PRICKLE2: variants seen among roughly 807,000 people sequenced by gnomAD.
The protein encoded by PRICKLE2 is prickle planar cell polarity protein 2.
In PRICKLE2, 21 loss-of-function variants were observed where a neutral mutation model predicts 81.4. The observed-to-expected ratio is 0.26, with a 90% CI of 0.18 to 0.37. The LOEUF (loss-of-function observed/expected upper bound fraction) is 0.37. Ranked by LOEUF, PRICKLE2 falls within the 10% of genes least tolerant of loss-of-function variation. PRICKLE2 has a pLI of 1.00. For synonymous variants in PRICKLE2, 456 were observed against 421.5 expected (o/e 1.08, Z -1.00); for missense variants, 940 against 1,109.0 (o/e 0.85, Z 2.16).
chr3:64,252,564 G>A (rs958202197), intron 2 of PRICKLE2, among the ~76,000 whole-genome samples: 2 of 152,166 alleles, frequency 1.3e-5, no homozygotes, highest in African/African-American at 4.8e-5. Flanking sequence ...ATGGTCAATA[G>A]CACTTTTGCC....
intron 2 of PRICKLE2, among the ~76,000 whole-genome samples, chr3:64,178,135 A>T (rs1313061036): frequency 6.6e-6 from 1 of 152,198 alleles, no homozygotes; most frequent in Non-Finnish European, 1.5e-5. Flanking sequence ...TTTGATTTGC[A>T]TTATATTAAT....
intron 2 of PRICKLE2, among the ~76,000 whole-genome samples, chr3:64,257,028 C>T (rs565797709): frequency 6.6e-6 from 1 of 152,208 alleles, no homozygotes; most frequent in Non-Finnish European, 1.5e-5. Flanking sequence ...AAGTTGCCAA[C>T]CTGGTGCCAA....
intron 7 of PRICKLE2, among the ~76,000 whole-genome samples, chr3:64,142,209 T>C (rs1255609626): frequency 6.6e-6 from 1 of 152,078 alleles, no homozygotes; most frequent in Non-Finnish European, 1.5e-5. Context: ...GACAGAACCA[T>C]AGAAACGCAC....
intron 1 of PRICKLE2, among the ~76,000 whole-genome samples, chr3:64,203,937 C>T (rs1300000091): frequency 6.6e-6 from 1 of 152,094 alleles, no homozygotes; most frequent in African/African-American, 2.4e-5. Context: ...CAGATCGCAT[C>T]ACTACACTCC....
At chr3:64,206,993 G>A (rs139630746) in intron 1 of PRICKLE2, among the ~76,000 whole-genome samples, 145 of 152,236 alleles carry the variant, frequency 9.5e-4, no homozygotes, top group Admixed American at 1.8e-3. Flanking sequence ...TCGACCTCCT[G>A]GGCTCAAGCA....
chr3:64,126,250 C>A (rs1157929266), intron 7 of PRICKLE2, among the ~76,000 whole-genome samples: 3 of 152,178 alleles, frequency 2.0e-5, no homozygotes, highest in Non-Finnish European at 4.4e-5. Context: ...CAATATTTAT[C>A]ATTTCTGAAA....
In PRICKLE2 at chr3:64,122,031, A is replaced by G. The variant is rs540091568; in HGVS notation, c.1661-22106T>C. Among the ~76,000 whole-genome samples, 3 of 152,276 alleles carry G rather than the reference A, an allele frequency of 2.0e-5. No homozygotes were observed. In the East Asian group the frequency reaches 5.8e-4, roughly 29 times the overall value. On this transcript the variant is annotated intron_variant, in intron 7 of 7. Transcript: ENST00000638394. ...ATCAGATCAGTGTGGATTATGGTTGAGGAATATCTGCAGAGTATCTTTGCA... is the reference window on the plus strand; with the variant it reads ...ATCAGATCAGTGTGGATTATGGTTGGGGAATATCTGCAGAGTATCTTTGCA...
intron 2 of PRICKLE2, among the ~76,000 whole-genome samples, chr3:64,258,590 G>A (rs1575723668): frequency 6.6e-6 from 1 of 151,962 alleles, no homozygotes; most frequent in African/African-American, 2.4e-5. Context: ...GGAGGCCAAG[G>A]CAGGTGGATC....
At chr3:64,138,566 A>C (rs1000379795) in intron 7 of PRICKLE2, among the ~76,000 whole-genome samples, 1 of 152,232 alleles carries the variant, frequency 6.6e-6, no homozygotes, top group Non-Finnish European at 1.5e-5. Context: ...AGTCCTGATG[A>C]CATCATTTGG....
intron 7 of PRICKLE2, among the ~76,000 whole-genome samples, chr3:64,111,372 G>T (rs550346591): frequency 1.3e-5 from 2 of 152,178 alleles, no homozygotes; most frequent in Non-Finnish European, 2.9e-5. Flanking sequence ...AAGGGAGTTT[G>T]GATGATTTGC....
At chr3:64,179,019 CTTTCTTTCTTTCTTTCTTTT>C (rs1367157801) in intron 2 of PRICKLE2, among the ~76,000 whole-genome samples, 12 of 132,238 alleles carry the variant, frequency 9.1e-5, no homozygotes, top group Non-Finnish European at 1.6e-4. Flanking sequence ...TTCTTTCTTT[CTTTCTTTCTTTCTTTCTTTT>C]CTTTCCTTCT....
chr3:64,164,473 C>T (rs1310026250), intron 2 of PRICKLE2, among the ~76,000 whole-genome samples: 1 of 152,090 alleles, frequency 6.6e-6, no homozygotes, highest in Non-Finnish European at 1.5e-5. Context: ...TGAAGAGGTG[C>T]GAAAGCTCTG....
intron 7 of PRICKLE2, among the ~76,000 whole-genome samples, chr3:64,132,670 T>G (rs2077213830): frequency 6.6e-6 from 1 of 152,196 alleles, no homozygotes; most frequent in Non-Finnish European, 1.5e-5. Context: ...TCTTCCCCAT[T>G]CTTTTTGTTT....
intron 2 of PRICKLE2, among the ~76,000 whole-genome samples, chr3:64,189,228 T>C (rs1440317702): frequency 1.3e-5 from 2 of 151,990 alleles, no homozygotes; most frequent in Non-Finnish European, 1.5e-5. Flanking sequence ...TAAACAGAGA[T>C]TGTCGATAGG....
chr3:64,121,199 C>T (rs920793269), intron 7 of PRICKLE2, among the ~76,000 whole-genome samples: 32 of 152,116 alleles, frequency 2.1e-4, no homozygotes, highest in African/African-American at 7.7e-4. Flanking sequence ...TATATCAATC[C>T]AGCTCGTGAG....
chr3:64,210,110 C>A (rs1416514960), intron 1 of PRICKLE2, among the ~76,000 whole-genome samples: 1 of 152,088 alleles, frequency 6.6e-6, no homozygotes, highest in Admixed American at 6.5e-5. Flanking sequence ...TGTCCCAAAG[C>A]CCAAGCACAG....
chr3:64,151,657 T>C (rs1008077152), intron 6 of PRICKLE2, among the ~76,000 whole-genome samples: 5 of 152,186 alleles, frequency 3.3e-5, no homozygotes, highest in African/African-American at 1.2e-4. Flanking sequence ...CTTGCAGACT[T>C]GAATCCTCGG....
chr3:64,137,755 G>C (rs1043160015), intron 7 of PRICKLE2, among the ~76,000 whole-genome samples: 2 of 152,130 alleles, frequency 1.3e-5, no homozygotes, highest in Non-Finnish European at 2.9e-5. Context: ...GGATTCTCCT[G>C]GGACTTTCAC....
intron 2 of PRICKLE2, chr3:64,163,935 A>AC (rs957305438): frequency 4.4e-5 from 4 of 90,556 alleles, no homozygotes; most frequent in African/African-American, 1.5e-4. Flanking sequence ...GAGAGGCAAA[A>AC]AAAAAAAAAA....
Sources: gnomAD v4.1 joint callset for allele counts (sites outside exome capture counted in the v4.1 genomes callset) on GRCh38, gnomAD v4.1.1 for gene constraint, MANE v1.5 for transcripts, NCBI Gene and HGNC (gene_info 2026-07-23, HGNC 2026-07-21) for gene names.